The following SEC61G variants were observed in gnomAD, a reference collection of about 807,000 sequenced individuals.
SEC61G encodes the protein protein transport protein Sec61 subunit gamma.
Under a neutral mutation model 7.5 loss-of-function variants are expected in SEC61G, and 4 were observed. The ratio of observed to expected loss-of-function variants is 0.54; its 90% CI spans 0.26 to 1.22. SEC61G has a LOEUF of 1.22. Ranked by LOEUF, SEC61G falls within the 50% of genes most tolerant of loss-of-function variation. The pLI is 0.12. For missense variants in SEC61G, 53 were observed against 84.6 expected, an observed-to-expected ratio of 0.63 and a Z score of 1.46; for synonymous variants, 24 against 24.4, an observed-to-expected ratio of 0.98 and a Z score of 0.05.
Position 54,759,049 on chromosome 7 carries a change from C to T in SEC61G, c.-7+109G>A, listed in dbSNP as rs1186540322. 4 of 401,774 alleles carry T rather than the reference C, an allele frequency of 1.0e-5. 1 individual carries two copies. The highest frequency in any genetic ancestry group is 2.0e-5 in the Non-Finnish European group (4 of 196,676). The allele number at this position is 401,774 out of a possible 1,614,324, so 24.9% of individuals were successfully genotyped here. A position where few individuals can be genotyped will look rare whatever the true frequency, so the allele number is the denominator to read the frequency against. On this transcript the variant is annotated intron_variant, in intron 1 of 3. Transcript: ENST00000352861. Reference sequence around the variant, plus strand: ...AGGGGACCACTTACCGCCCGCCCCGCGACGGCCGCCCGGGGAGACACGCCG... The same window carrying T: ...AGGGGACCACTTACCGCCCGCCCCGTGACGGCCGCCCGGGGAGACACGCCG...
Position 54,755,993 on chromosome 7 carries a change from T to G in SEC61G, c.95-112A>C, listed in dbSNP as rs187626746. ...AACTAGTATACATTTCTCCTGTTAATAGATATATAATTTAAAAATAAAAAG... is the reference window on the plus strand; with the variant it reads ...AACTAGTATACATTTCTCCTGTTAAGAGATATATAATTTAAAAATAAAAAG... On this transcript the variant is annotated intron_variant, in intron 2 of 3. Coordinates refer to ENST00000352861, the MANE Select transcript of SEC61G (RefSeq NM_014302.4). The G allele has an allele frequency of 8.0e-6, 4 of 497,178 alleles. No homozygotes were observed. The Admixed American group carries it at 1.5e-4, about 19-fold the overall frequency. 30.8% of individuals were successfully genotyped at this position (497,178 alleles called of 1,614,324 possible).
rs1791494242 is a variant in SEC61G at position 54,755,404 on chromosome 7, C to T, written c.197+375G>A. The stretch of plus-strand genomic sequence containing the variant: ...GGTTTTGGATCTAGGCAATCTGGTC[C>T]AGAGTTAGAATTCTATCACAGCAGT... On this transcript the variant is annotated intron_variant, in intron 3 of 3. Transcript: ENST00000352861. The T allele has an allele frequency of 2.6e-5, 4 of 156,198 alleles. No homozygotes were observed. The Admixed American group carries it at 2.6e-4, about 10-fold the overall frequency. The allele number at this position is 156,198 out of a possible 1,614,324, so 9.7% of individuals were successfully genotyped here.
Position 54,757,535 on chromosome 7 carries a change from G to A in SEC61G, c.54C>T (p.Ser18=), listed in dbSNP as rs779191561. 3.1e-6 allele frequency: 5 copies of A among 1,613,844 alleles called. No individual in the cohort carries two copies. Among genetic ancestry groups the A allele is most frequent in the Non-Finnish European group, 4.2e-6 (5 of 1,179,944 alleles). Residue 18 remains serine, a synonymous_variant, in exon 2 of 4, where the codon TCC becomes TCT. Coordinates refer to ENST00000352861, the MANE Select transcript of SEC61G (RefSeq NM_014302.4). ...VEPSRQFVKD[S]IRLVKRCTKP... The stretch of plus-strand genomic sequence containing the variant: ...TAGTGCATCTTTTAACCAGCCGAAT[G>A]GAGTCCTTTACAAACTGCCGACTTG...
chr7:54,758,328 C>T (rs539263560), intron 1 of SEC61G, among the ~76,000 whole-genome samples: 21 of 152,184 alleles, frequency 1.4e-4, no homozygotes, highest in Non-Finnish European at 2.5e-4. Context: ...GCTTTGAGAG[C>T]CACTGCTATA....
At chr7:54,756,626 C>A (rs1451036680) in intron 2 of SEC61G, among the ~76,000 whole-genome samples, 1 of 152,144 alleles carries the variant, frequency 6.6e-6, no homozygotes, top group Non-Finnish European at 1.5e-5. Context: ...GCACTTCAGC[C>A]TGGGCAACAG....
intron 1 of SEC61G, 126 bp from the exon 2 acceptor site, chr7:54,757,720 CTAAAA>C (rs1791548407): frequency 3.1e-6 from 2 of 652,120 alleles, no homozygotes; most frequent in Non-Finnish European, 5.1e-6. Context: ...ATTCCACCTC[CTAAAA>C]TAAAACAAAA....
chr7:54,754,571 C>T (rs563863176), intron 3 of SEC61G, among the ~76,000 whole-genome samples: 6 of 152,180 alleles, frequency 3.9e-5, no homozygotes, highest in Non-Finnish European at 8.8e-5. Context: ...CACTTTGTGG[C>T]ACTTCTGCCT....
intron 1 of SEC61G, among the ~76,000 whole-genome samples, chr7:54,758,606 CTT>C (rs971511261): frequency 2.0e-5 from 3 of 152,178 alleles, no homozygotes; most frequent in African/African-American, 7.2e-5. Context: ...AGGGCTTAAA[CTT>C]TTTGTAATCA....
chr7:54,757,802 A>C (rs1430735213), intron 1 of SEC61G, among the ~76,000 whole-genome samples: 1 of 152,238 alleles, frequency 6.6e-6, no homozygotes, highest in East Asian at 1.9e-4. Flanking sequence ...AGGCAATAAG[A>C]AAAGCACAGA....
rs146282235 is a variant in SEC61G at position 54,755,547 on chromosome 7, G to A, written c.197+232C>T. 243 of 311,434 alleles carry A rather than the reference G, an allele frequency of 7.8e-4. 3 individuals carry two copies. The East Asian group carries it at 0.012, about 16-fold the overall frequency. 19.3% of individuals were successfully genotyped at this position (311,434 alleles called of 1,614,324 possible). Reference sequence around the variant, plus strand: ...ATATGAGTGTCTTTAATACTTTCTTGACTCTGTAAAATTTTATTTATTAAA... The same window carrying A: ...ATATGAGTGTCTTTAATACTTTCTTAACTCTGTAAAATTTTATTTATTAAA... On this transcript the variant is annotated intron_variant, in intron 3 of 3. Coordinates refer to ENST00000352861, the MANE Select transcript of SEC61G (RefSeq NM_014302.4).
chr7:54,752,358 C>T lies in SEC61G; in HGVS notation c.*53G>A. 2.2e-6 allele frequency: 3 copies of T among 1,376,906 alleles called. No homozygotes were observed. Among genetic ancestry groups the T allele is most frequent in the African/African-American group, 2.9e-5 (2 of 68,090 alleles). 85.3% of individuals were successfully genotyped at this position (1,376,906 alleles called of 1,614,324 possible). A position where few individuals can be genotyped will look rare whatever the true frequency, so the allele number is the denominator to read the frequency against. On this transcript the variant is annotated 3_prime_UTR_variant, in exon 4 of 4. Transcript: ENST00000352861. ...TTTGTATTCTGTGAGTTTCTCACAC[C>T]CTCACACTTGTTCACCAATCTCTAA...
At chr7:54,756,855 T>A (rs564728408) in intron 2 of SEC61G, among the ~76,000 whole-genome samples, 1 of 151,098 alleles carries the variant, frequency 6.6e-6, no homozygotes, top group Non-Finnish European at 1.5e-5. Context: ...ACAGTCTTCC[T>A]TGGTAAGAGT....
At chr7:54,753,047 T>C (rs1461134273) in intron 3 of SEC61G, among the ~76,000 whole-genome samples, 1 of 151,818 alleles carries the variant, frequency 6.6e-6, no homozygotes, top group African/African-American at 2.4e-5. Flanking sequence ...CTCAGCACTC[T>C]GGGAGGCTGA....
At chr7:54,755,280 T>C (rs1370548627) in intron 3 of SEC61G, 1 of 152,250 alleles carries the variant, frequency 6.6e-6, no homozygotes, top group Non-Finnish European at 1.5e-5. Flanking sequence ...CTTAAAGTCA[T>C]AATCCAAGTA....
intron 3 of SEC61G, among the ~76,000 whole-genome samples, chr7:54,753,269 G>C (rs956269070): frequency 1.3e-5 from 2 of 151,908 alleles, no homozygotes; most frequent in Non-Finnish European, 2.9e-5. Context: ...CTCCAGCCTG[G>C]GAAACAGAGC....
chr7:54,754,011 C>G (rs935135236), intron 3 of SEC61G, among the ~76,000 whole-genome samples: 2 of 152,100 alleles, frequency 1.3e-5, no homozygotes, highest in Non-Finnish European at 2.9e-5. Flanking sequence ...GGGCTCTGGA[C>G]CAGACTCTAT....
At chr7:54,757,678 C>T (rs533948380) in intron 1 of SEC61G, 84 bp from the exon 2 acceptor site, 2 of 1,067,606 alleles carry the variant, frequency 1.9e-6, no homozygotes, top group African/African-American at 3.1e-5. Context: ...GTAAATGAGA[C>T]CAGCCACTGA....
At chr7:54,753,976 T>C (rs1791460132) in intron 3 of SEC61G, among the ~76,000 whole-genome samples, 1 of 152,180 alleles carries the variant, frequency 6.6e-6, no homozygotes, top group African/African-American at 2.4e-5. Flanking sequence ...CAAACACTTA[T>C]TCAGTGCTTT....
chr7:54,758,978 A>G (rs1309579190), intron 1 of SEC61G, 180 bp downstream of exon 1: 1 of 314,020 alleles, frequency 3.2e-6, no homozygotes, highest in African/African-American at 2.3e-5. Flanking sequence ...CTTCCGCCAG[A>G]GGCCGAGTTG....
Sources: allele counts gnomAD v4.1 joint callset (sites outside exome capture counted in the v4.1 genomes callset), GRCh38; gene constraint gnomAD v4.1.1; transcripts MANE v1.5; gene names NCBI Gene and HGNC (gene_info 2026-07-23, HGNC 2026-07-21).